Variants in LARP4B observed in about 807,000 individuals in gnomAD.
The protein encoded by LARP4B is La ribonucleoprotein 4B, also known as la-related protein 4B.
Under a neutral mutation model 89.8 loss-of-function variants are expected in LARP4B, and 12 were observed. That is an observed-to-expected ratio of 0.13 (90% CI 0.09 to 0.22). The LOEUF (loss-of-function observed/expected upper bound fraction) is 0.22. Among genes scored for constraint, LARP4B ranks in the 10% least tolerant of loss-of-function variants. The pLI is 1.00. For synonymous variants in LARP4B, 367 were observed against 363.3 expected, an observed-to-expected ratio of 1.01 and a Z score of -0.12; for missense variants, 757 against 947.7, an observed-to-expected ratio of 0.80 and a Z score of 2.64.
intron 13 of LARP4B, among the ~76,000 whole-genome samples, chr10:823,048 C>A (rs1182948839): frequency 6.6e-6 from 1 of 152,206 alleles, no homozygotes; most frequent in Non-Finnish European, 1.5e-5. Context: ...CCTGGCACAC[C>A]TCCCTGCAAA....
At position 888,563 on chromosome 10, in the gene LARP4B, A is replaced by G. The variant is rs187615612; in HGVS notation, c.-39-2803T>C. ...CAAACAAGTGTTAAGCTCCTACAGC[A>G]TATTTCCAGTCACAAAAATATCACC... On this transcript the variant is annotated intron_variant, in intron 1 of 17. Coordinates refer to ENST00000316157, the MANE Select transcript of LARP4B (RefSeq NM_015155.3). 2.3e-3 allele frequency among the ~76,000 whole-genome samples: 346 copies of G among 152,330 alleles called. 1 individual carries two copies. The highest frequency in any genetic ancestry group is 8.1e-3 in the African/African-American group (338 of 41,590).
the LARP4B span, among the ~76,000 whole-genome samples, chr10:981,620 G>C: frequency 2.0e-5 from 3 of 152,166 alleles, no homozygotes; most frequent in African/African-American, 7.2e-5. Context: ...GCCCAGACTG[G>C]AGTGCAGTGG....
chr10:905,254 A>C (rs919593179), intron 1 of LARP4B, among the ~76,000 whole-genome samples: 3 of 152,222 alleles, frequency 2.0e-5, no homozygotes, highest in African/African-American at 7.2e-5. Context: ...CCTGCAAATT[A>C]CCTTCCTTAA....
chr10:915,708 G>A (rs1323891654), intron 1 of LARP4B, among the ~76,000 whole-genome samples: 1 of 149,144 alleles, frequency 6.7e-6, no homozygotes, highest in Non-Finnish European at 1.5e-5. Flanking sequence ...GGAGGCTGAG[G>A]CAAGAGAATA....
intron 1 of LARP4B, among the ~76,000 whole-genome samples, chr10:917,287 A>C (rs1836847077): frequency 6.6e-6 from 1 of 152,202 alleles, no homozygotes; most frequent in African/African-American, 2.4e-5. Flanking sequence ...GTAAAACATA[A>C]CTTTATGAGC....
At chr10:957,818 T>C in the LARP4B span, among the ~76,000 whole-genome samples, 1 of 136,646 alleles carries the variant, frequency 7.3e-6, no homozygotes, top group Non-Finnish European at 1.6e-5. Context: ...TTTTTTTTTT[T>C]CTGGGTCTGG....
chr10:886,847 T>C (rs1371969914), intron 1 of LARP4B, among the ~76,000 whole-genome samples: 1 of 152,146 alleles, frequency 6.6e-6, no homozygotes, highest in Non-Finnish European at 1.5e-5. Flanking sequence ...CCCAGCAGTT[T>C]GGGAGGCCAA....
intron 13 of LARP4B, among the ~76,000 whole-genome samples, chr10:821,938 G>A (rs1832372753): frequency 6.6e-6 from 1 of 152,146 alleles, no homozygotes; most frequent in African/African-American, 2.4e-5. Flanking sequence ...CATGAGTCCT[G>A]ACAACCCAAC....
chr10:957,323 C>T, the LARP4B span, among the ~76,000 whole-genome samples: 3 of 151,998 alleles, frequency 2.0e-5, no homozygotes, highest in East Asian at 1.9e-4. Flanking sequence ...CCATCACACT[C>T]GGCTGATTTT....
At chr10:807,256 G>A (rs1171557216), downstream of LARP4B, 1 of 152,284 alleles carries the variant, frequency 6.6e-6, no homozygotes, top group African/African-American at 2.4e-5. Flanking sequence ...AACAGGCTGC[G>A]GCTGCCCACA....
intron 1 of LARP4B, among the ~76,000 whole-genome samples, chr10:919,169 T>C (rs1204163969): frequency 6.6e-6 from 1 of 152,232 alleles, no homozygotes; most frequent in Non-Finnish European, 1.5e-5. Flanking sequence ...AATTAAGTTA[T>C]TAAACTATTA....
At chr10:871,529 T>C (rs2131878978) in intron 3 of LARP4B, among the ~76,000 whole-genome samples, 1 of 152,194 alleles carries the variant, frequency 6.6e-6, no homozygotes, top group South Asian at 2.1e-4. Context: ...AATTCTGTCC[T>C]CTTCTTGGTA....
At chr10:904,962 C>A (rs770566025) in intron 1 of LARP4B, among the ~76,000 whole-genome samples, 48 of 152,178 alleles carry the variant, frequency 3.2e-4, no homozygotes, top group Admixed American at 7.9e-4. Context: ...ATGTACAGAC[C>A]TCATTTCACG....
At chr10:844,255 TG>T (rs1467271690) in intron 6 of LARP4B, among the ~76,000 whole-genome samples, 16 of 152,346 alleles carry the variant, frequency 1.1e-4, no homozygotes, top group Admixed American at 3.3e-4. Context: ...GTTCCACTGG[TG>T]CCCCTGCACC....
chr10:976,940 G>C, the LARP4B span, among the ~76,000 whole-genome samples: 2 of 152,086 alleles, frequency 1.3e-5, no homozygotes, highest in African/African-American at 4.8e-5. Context: ...GCCCGGCCTA[G>C]TAGAAGGTAG....
intron 3 of LARP4B, among the ~76,000 whole-genome samples, chr10:869,650 G>C (rs1234502131): frequency 6.6e-6 from 1 of 152,088 alleles, no homozygotes; most frequent in Non-Finnish European, 1.5e-5. Flanking sequence ...ACTTTGGGAG[G>C]CTGAGGCGGG....
intron 2 of LARP4B, among the ~76,000 whole-genome samples, chr10:885,374 C>T (rs766900779): frequency 6.6e-6 from 1 of 152,108 alleles, no homozygotes; most frequent in Non-Finnish European, 1.5e-5. Flanking sequence ...TTGGTTCTTC[C>T]TTTGTGGAGG....
chr10:835,215 C>G (rs988442780), intron 8 of LARP4B, among the ~76,000 whole-genome samples: 5 of 152,294 alleles, frequency 3.3e-5, no homozygotes, highest in African/African-American at 1.2e-4. Flanking sequence ...TAAGACCATA[C>G]TTCTATGAGA....
At chr10:930,872 G>A (rs1172071780) in intron 1 of LARP4B, among the ~76,000 whole-genome samples, 4 of 151,800 alleles carry the variant, frequency 2.6e-5, no homozygotes, top group Non-Finnish European at 5.9e-5. Context: ...GCCTATCCGG[G>A]CTCCGGCGGG....
Sources: allele counts gnomAD v4.1 joint callset (sites outside exome capture counted in the v4.1 genomes callset), GRCh38; gene constraint gnomAD v4.1.1; transcripts MANE v1.5; gene names NCBI Gene and HGNC (gene_info 2026-07-23, HGNC 2026-07-21).